CLSTN2: variants seen among roughly 807,000 people sequenced by gnomAD.
CLSTN2 encodes calsyntenin-2.
In CLSTN2, 48 loss-of-function variants were observed where a neutral mutation model predicts 101.2. The ratio of observed to expected loss-of-function variants is 0.47; its 90% CI spans 0.38 to 0.60. The LOEUF (loss-of-function observed/expected upper bound fraction) is 0.60. CLSTN2 is among the 20% of genes least tolerant of loss of function. The pLI is 0.00. For synonymous variants in CLSTN2, 481 were observed against 463.6 expected (o/e 1.04, Z -0.48); for missense variants, 1,160 against 1,238.2 (o/e 0.94, Z 0.95).
intron 8 of CLSTN2, among the ~76,000 whole-genome samples, chr3:140,475,314 A>T (rs1223564541): frequency 1.3e-5 from 2 of 152,186 alleles, no homozygotes; most frequent in Non-Finnish European, 2.9e-5. Context: ...TGCATACCTA[A>T]CTAATAGAAA....
intron 2 of CLSTN2, among the ~76,000 whole-genome samples, chr3:140,227,868 G>A (rs139080521): frequency 0.014 from 2,127 of 152,296 alleles, 36 homozygotes; most frequent in African/African-American, 0.047. Context: ...CAGCTGGAGT[G>A]GCTGGGACAC....
intron 1 of CLSTN2, among the ~76,000 whole-genome samples, chr3:140,027,650 C>A (rs2007448557): frequency 6.6e-6 from 1 of 152,154 alleles, no homozygotes; most frequent in South Asian, 2.1e-4. Flanking sequence ...ATCCTGAGAA[C>A]TGGAGTTCAG....
chr3:140,379,325 T>C (rs2087954143), intron 2 of CLSTN2, among the ~76,000 whole-genome samples: 1 of 151,982 alleles, frequency 6.6e-6, no homozygotes, highest in Non-Finnish European at 1.5e-5. Flanking sequence ...ACACCCAGAG[T>C]ACCCTAGGAG....
chr3:140,027,029 T>G (rs2007435952), intron 1 of CLSTN2, among the ~76,000 whole-genome samples: 1 of 152,214 alleles, frequency 6.6e-6, no homozygotes, highest in Non-Finnish European at 1.5e-5. Flanking sequence ...GGGCTGGTGG[T>G]GAGATTTCTC....
At chr3:140,178,852 A>G (rs2010363961) in intron 2 of CLSTN2, among the ~76,000 whole-genome samples, 1 of 152,118 alleles carries the variant, frequency 6.6e-6, no homozygotes, top group South Asian at 2.1e-4. Flanking sequence ...CTGCTTTTGT[A>G]TTGTGTGTCA....
chr3:140,366,017 G>A (rs577217994), intron 2 of CLSTN2, among the ~76,000 whole-genome samples: 22 of 152,270 alleles, frequency 1.4e-4, no homozygotes, highest in African/African-American at 4.6e-4. Flanking sequence ...CCCTCTCCAC[G>A]CACAGCTGCT....
chr3:140,044,509 A>G (rs1322581227), intron 1 of CLSTN2, among the ~76,000 whole-genome samples: 1 of 152,172 alleles, frequency 6.6e-6, no homozygotes. Flanking sequence ...TTCCTAATTG[A>G]ATACCCTTTA....
At chr3:140,145,096 C>T (rs868452154) in intron 1 of CLSTN2, among the ~76,000 whole-genome samples, 2 of 152,230 alleles carry the variant, frequency 1.3e-5, no homozygotes, top group Admixed American at 6.5e-5. Flanking sequence ...AATCAGAGGA[C>T]ATGTCTTAAC....
chr3:140,487,227 C>T (rs561587153), intron 8 of CLSTN2, among the ~76,000 whole-genome samples: 10 of 152,322 alleles, frequency 6.6e-5, no homozygotes, highest in African/African-American at 2.4e-4. Context: ...AGGTAGTATT[C>T]ATGAGTTGGG....
At chr3:140,205,250 C>T (rs4683811) in intron 2 of CLSTN2, among the ~76,000 whole-genome samples, 48,721 of 152,054 alleles carry the variant, frequency 0.32, 8,233 homozygotes, top group Middle Eastern at 0.39. Context: ...ATTATACCTA[C>T]GTGTGGTTCA....
At chr3:140,386,262 C>T (rs1010405650) in intron 2 of CLSTN2, among the ~76,000 whole-genome samples, 5 of 152,136 alleles carry the variant, frequency 3.3e-5, no homozygotes, top group African/African-American at 9.7e-5. Flanking sequence ...GAAATGCTGC[C>T]GCTGGTACTT....
chr3:140,208,413 A>G (rs2010811305), intron 2 of CLSTN2, among the ~76,000 whole-genome samples: 1 of 152,232 alleles, frequency 6.6e-6, no homozygotes, highest in Non-Finnish European at 1.5e-5. Flanking sequence ...GAAATACAAT[A>G]AGATCTTTTA....
chr3:140,191,573 C>A (rs1451780238), intron 2 of CLSTN2, among the ~76,000 whole-genome samples: 1 of 151,864 alleles, frequency 6.6e-6, no homozygotes, highest in Non-Finnish European at 1.5e-5. Flanking sequence ...CAATTTCGTT[C>A]ATAGTTACAG....
chr3:140,155,483 G>A (rs2009939444), intron 1 of CLSTN2, among the ~76,000 whole-genome samples: 1 of 152,198 alleles, frequency 6.6e-6, no homozygotes, highest in Non-Finnish European at 1.5e-5. Flanking sequence ...GTGGCAGTCA[G>A]AGGCGAGGAG....
intron 1 of CLSTN2, among the ~76,000 whole-genome samples, chr3:140,118,493 G>T (rs1406548171): frequency 6.6e-6 from 1 of 152,154 alleles, no homozygotes; most frequent in Non-Finnish European, 1.5e-5. Flanking sequence ...CAGTGATGAG[G>T]CTGGGGAAAC....
At chr3:140,519,234 G>A (rs1559892608) in intron 8 of CLSTN2, among the ~76,000 whole-genome samples, 1 of 152,202 alleles carries the variant, frequency 6.6e-6, no homozygotes, top group Non-Finnish European at 1.5e-5. Context: ...TCACTGAGGA[G>A]TCTTTCACTT....
chr3:140,241,071 G>T (rs1432564380), intron 2 of CLSTN2, among the ~76,000 whole-genome samples: 1 of 152,140 alleles, frequency 6.6e-6, no homozygotes, highest in Non-Finnish European at 1.5e-5. Flanking sequence ...ATCGTGACTT[G>T]TAGTTATGGT....
intron 1 of CLSTN2, among the ~76,000 whole-genome samples, chr3:140,133,325 T>C (rs939228792): frequency 8.5e-5 from 13 of 152,128 alleles, no homozygotes; most frequent in African/African-American, 3.1e-4. Flanking sequence ...ACCTCCAACA[T>C]TGGGGATCAC....
At chr3:139,987,196 T>C (rs1025019296) in intron 1 of CLSTN2, among the ~76,000 whole-genome samples, 10 of 152,282 alleles carry the variant, frequency 6.6e-5, no homozygotes, top group Admixed American at 4.6e-4. Flanking sequence ...AAAAAGATAG[T>C]AAGGAATGGC....
Sources: gnomAD v4.1 joint callset for allele counts (sites outside exome capture counted in the v4.1 genomes callset) on GRCh38, gnomAD v4.1.1 for gene constraint, MANE v1.5 for transcripts, NCBI Gene and HGNC (gene_info 2026-07-23, HGNC 2026-07-21) for gene names.